Variants in STARD9 observed in about 807,000 individuals in gnomAD.
STARD9 encodes the protein stAR-related lipid transfer protein 9.
Under a neutral mutation model 399.8 loss-of-function variants are expected in STARD9, and 346 were observed. The ratio of observed to expected loss-of-function variants is 0.87; its 90% CI spans 0.79 to 0.95. The LOEUF (loss-of-function observed/expected upper bound fraction) is 0.95. Among genes scored for constraint, STARD9 ranks in the 40% least tolerant of loss-of-function variants. The pLI is 0.00. For missense variants in STARD9, 5,832 were observed against 5,667.5 expected (o/e 1.03, Z -0.93); for synonymous variants, 2,203 against 2,143.5 (o/e 1.03, Z -0.77).
In STARD9 at chr15:42,691,575, C is replaced by G. The variant is rs1402784312; in HGVS notation, c.9997C>G (p.Arg3333Gly). The part of the protein sequence containing the change: ...TPQFSVVGSS[R>G]SLQELNLSVE... ...ACAGTTCTCAGTTGTCGGCTCTTCT[C>G]GTTCTCTTCAGGAGCTGAACTTGAG... Residue 3333 changes from arginine to glycine, a missense_variant, in exon 23 of 33, where the codon CGT becomes GGT. Around this residue, in one of 2 missense-constraint regions of STARD9, gnomAD observed 5,828 missense variants for 5,651.1 expected, o/e 1.03. Transcript: ENST00000290607. 6.5e-7 allele frequency: 1 copy of G among 1,537,146 alleles called. No homozygotes were observed. The highest frequency in any genetic ancestry group is 8.7e-7 in the Non-Finnish European group (1 of 1,146,910).
rs2060668704 is a variant in STARD9, at chr15:42,690,624, G to A, written c.9046G>A (p.Gly3016Arg). 6.5e-7 allele frequency: 1 copy of A among 1,537,084 alleles called. No individual in the cohort carries two copies. The highest frequency in any genetic ancestry group is 1.4e-5 in the African/African-American group (1 of 73,032). Residue 3016 changes from glycine (G) to arginine (R), a missense_variant, in exon 23 of 33, where the codon GGA (glycine) becomes AGA (arginine). Gly to Arg is a moderately radical substitution (Grantham distance 125). Transcript: ENST00000290607. ...GGATGAGACAGGAGAGATCTCTAGG[G>A]GACCTGATGTGCACTTGACACATGG... ...EMDETGEISRGPDVHLTHGLE... is the reference protein window; with the variant it reads ...EMDETGEISRRPDVHLTHGLE...
At chr15:42,695,514 G>A (rs1378866729) in intron 25 of STARD9, among the ~76,000 whole-genome samples, 191 bp downstream of exon 25, 4 of 152,206 alleles carry the variant, frequency 2.6e-5, no homozygotes, top group East Asian at 1.9e-4. Flanking sequence ...CCCAGGCCAC[G>A]GCCTGGGAGG....
intron 9 of STARD9, among the ~76,000 whole-genome samples, chr15:42,660,701 T>C (rs1365915519): frequency 6.6e-6 from 1 of 151,960 alleles, no homozygotes; most frequent in African/African-American, 2.4e-5. Flanking sequence ...TGGCGCTAAA[T>C]AGAACTTACA....
At chr15:42,626,152 G>C (rs2059204642) in intron 3 of STARD9, among the ~76,000 whole-genome samples, 1 of 152,080 alleles carries the variant, frequency 6.6e-6, no homozygotes, top group African/African-American at 2.4e-5. Context: ...CAGAACTCCT[G>C]ACCTCAGGTG....
chr15:42,701,455 C>T (rs578013549), intron 26 of STARD9, among the ~76,000 whole-genome samples: 34 of 152,240 alleles, frequency 2.2e-4, no homozygotes, highest in Admixed American at 2.1e-3. Context: ...AGATCTTTCA[C>T]CTCTTTGGTT....
Position 42,720,453 on chromosome 15 carries a change from G to A in STARD9, c.*879G>A, listed in dbSNP as rs753053857. ...GTGAATGAACTCCCAGAGGAGGTGA[G>A]TGGCTTGTTGGGAGGAAGCTCAGTT... is the stretch of plus-strand genomic sequence containing the variant. On this transcript the variant is annotated 3_prime_UTR_variant, in exon 33 of 33. Transcript: ENST00000290607. 6.6e-6 allele frequency: 1 copy of A among 152,324 alleles called. No individual in the cohort carries two copies. The highest frequency in any genetic ancestry group is 1.5e-5 in the Non-Finnish European group (1 of 68,122). 9.4% of individuals were successfully genotyped at this position (152,324 alleles called of 1,614,324 possible).
At chr15:42,677,089 TAA>T (rs869040683) in intron 20 of STARD9, among the ~76,000 whole-genome samples, 10 of 53,604 alleles carry the variant, frequency 1.9e-4, no homozygotes, top group African/African-American at 6.9e-4. Context: ...CGTCTCTACT[TAA>T]AAAAAAAAAA....
chr15:42,692,415 G>C lies in STARD9; in HGVS notation c.10837G>C (p.Gly3613Arg). The C allele has an allele frequency of 2.0e-6, 3 of 1,537,092 alleles. No individual in the cohort carries two copies. Among genetic ancestry groups the C allele is most frequent in the Non-Finnish European group, 1.7e-6 (2 of 1,146,916 alleles). The change falls in exon 23 of 33, where the codon GGT becomes CGT. Residue 3613 changes from glycine to arginine, a missense_variant. Transcript: ENST00000290607. ...CCCCTTGGCCAAAGGAAGTGCTGCA[G>C]GTCCAGTGGATGAGATTATGCTGCT... ...KPPLAKGSAA[G>R]PVDEIMLLYP...
At chr15:42,675,543 A>C (rs1210169009) in intron 18 of STARD9, 121 bp from the exon 19 acceptor site, 1 of 712,688 alleles carries the variant, frequency 1.4e-6, no homozygotes, top group Non-Finnish European at 2.4e-6. Flanking sequence ...TATCTTATCA[A>C]CTCAGCAAAA....
chr15:42,608,595 C>T (rs1270088480), intron 3 of STARD9, among the ~76,000 whole-genome samples: 4 of 152,192 alleles, frequency 2.6e-5, no homozygotes, highest in African/African-American at 4.8e-5. Context: ...AACAAAAACT[C>T]CATCCTCCAG....
chr15:42,715,474 A>C (rs2061332865), intron 26 of STARD9, among the ~76,000 whole-genome samples: 2 of 151,676 alleles, frequency 1.3e-5, no homozygotes, highest in African/African-American at 4.9e-5. Flanking sequence ...TGAGCCCAGG[A>C]GTCTAAGACC....
At chr15:42,585,757 C>A in intron 3 of STARD9, 120 bp downstream of exon 3, 1 of 534,352 alleles carries the variant, frequency 1.9e-6, no homozygotes, top group Non-Finnish European at 3.1e-6. Context: ...ATTGGAAGTA[C>A]TCTAATTGGT....
In STARD9 at chr15:42,673,393, C is replaced by G. The variant is rs961632983; in HGVS notation, c.1498-1047C>G. On this transcript the variant is annotated intron_variant, in intron 16 of 32. Transcript: ENST00000290607. ...CTCCAGCCTGGGCATCAAAGTGAGACTCTGTCTCAAAAAAAACAAAACAAA... is the reference window on the plus strand; with the variant it reads ...CTCCAGCCTGGGCATCAAAGTGAGAGTCTGTCTCAAAAAAAACAAAACAAA... 9.2e-5 allele frequency among the ~76,000 whole-genome samples: 14 copies of G among 151,740 alleles called. 1 individual carries two copies. The highest frequency in any genetic ancestry group is 8.5e-4 in the Admixed American group (13 of 15,280).
intron 26 of STARD9, among the ~76,000 whole-genome samples, chr15:42,700,352 T>G (rs192984382): frequency 6.6e-6 from 1 of 152,244 alleles, no homozygotes; most frequent in Non-Finnish European, 1.5e-5. Context: ...TGAGAAACCT[T>G]CATACTGTTT....
intron 6 of STARD9, among the ~76,000 whole-genome samples, chr15:42,638,399 A>T (rs1027333165): frequency 3.9e-5 from 6 of 152,098 alleles, no homozygotes; most frequent in Non-Finnish European, 2.9e-5. Flanking sequence ...TTCACTCAAG[A>T]AACAACCTCT....
At chr15:42,579,431 T>C (rs1054551421) in intron 1 of STARD9, among the ~76,000 whole-genome samples, 1 of 152,162 alleles carries the variant, frequency 6.6e-6, no homozygotes, top group African/African-American at 2.4e-5. Flanking sequence ...TGAAAACATA[T>C]CTAAAAATAG....
chr15:42,699,747 C>T (rs1047681841), intron 26 of STARD9, among the ~76,000 whole-genome samples: 11 of 150,442 alleles, frequency 7.3e-5, no homozygotes, highest in African/African-American at 2.4e-4. Context: ...CACTCTGTTG[C>T]CCAAGCTGGA....
intron 2 of STARD9, among the ~76,000 whole-genome samples, chr15:42,584,902 C>T (rs2058244599): frequency 6.6e-6 from 1 of 152,160 alleles, no homozygotes; most frequent in Non-Finnish European, 1.5e-5. Flanking sequence ...AATTTGAAAT[C>T]TGAAATCCTT....
chr15:42,704,765 A>G (rs996786387), intron 26 of STARD9, among the ~76,000 whole-genome samples: 3 of 152,172 alleles, frequency 2.0e-5, no homozygotes, highest in African/African-American at 7.2e-5. Context: ...GAAAAGTTTC[A>G]TGCATAATTC....
Sources: gnomAD v4.1 joint callset for allele counts (sites outside exome capture counted in the v4.1 genomes callset) on GRCh38, gnomAD v4.1.1 for gene constraint, gnomAD v4.1.1 regional missense constraint, MANE v1.5 for transcripts, NCBI Gene and HGNC (gene_info 2026-07-23, HGNC 2026-07-21) for gene names.